Variants in ASIC2 observed in about 807,000 individuals in gnomAD.
ASIC2 encodes the protein acid sensing ion channel subunit 2, also known as acid-sensing ion channel 2.
A neutral mutation model predicts 57.3 loss-of-function variants in ASIC2; 25 were observed. That is an observed-to-expected ratio of 0.44 (90% CI 0.32 to 0.61). The LOEUF (loss-of-function observed/expected upper bound fraction) is 0.61, where lower values mean the gene tolerates loss of function less well. ASIC2 is among the 20% of genes least tolerant of loss of function. The pLI, the probability that ASIC2 is intolerant of heterozygous loss-of-function variation, is 0.06. For synonymous variants in ASIC2, 319 were observed against 307.5 expected, an observed-to-expected ratio of 1.04 and a Z score of -0.39; for missense variants, 641 against 738.1, an observed-to-expected ratio of 0.87 and a Z score of 1.52.
chr17:33,919,363 T>C (rs1567756111), intron 1 of ASIC2, among the ~76,000 whole-genome samples: 1 of 152,170 alleles, frequency 6.6e-6, no homozygotes, highest in Non-Finnish European at 1.5e-5. Flanking sequence ...AATAAAGCCA[T>C]GCATCTACAA....
At chr17:33,112,135 C>A in intron 1 of ASIC2, 68 bp from the exon 2 acceptor site, 1 of 1,493,700 alleles carries the variant, frequency 6.7e-7, no homozygotes, top group Non-Finnish European at 9.0e-7. Context: ...CAGAGATTGG[C>A]GAGACCCCAG....
At chr17:34,133,095 G>A (rs563233675) in intron 1 of ASIC2, among the ~76,000 whole-genome samples, 28 of 152,192 alleles carry the variant, frequency 1.8e-4, no homozygotes, top group Non-Finnish European at 3.5e-4. Context: ...GCCAGACTCA[G>A]TGTTGGGCAT....
intron 1 of ASIC2, among the ~76,000 whole-genome samples, chr17:33,393,759 C>A (rs928718710): frequency 6.6e-6 from 1 of 152,096 alleles, no homozygotes; most frequent in Non-Finnish European, 1.5e-5. Flanking sequence ...ATGGAGTAGA[C>A]CCACAATGCC....
intron 1 of ASIC2, among the ~76,000 whole-genome samples, chr17:33,905,458 C>T (rs557605444): frequency 1.5e-4 from 23 of 152,300 alleles, no homozygotes; most frequent in Non-Finnish European, 2.5e-4. Context: ...TAATGTCTTC[C>T]CTTGCATCAT....
At chr17:33,256,028 C>G (rs1407906569) in intron 1 of ASIC2, among the ~76,000 whole-genome samples, 2 of 152,124 alleles carry the variant, frequency 1.3e-5, no homozygotes, top group Non-Finnish European at 2.9e-5. Context: ...AAACGCATTA[C>G]AGATTCATAC....
chr17:33,731,987 A>G (rs1359237686), intron 1 of ASIC2, among the ~76,000 whole-genome samples: 1 of 152,238 alleles, frequency 6.6e-6, no homozygotes, highest in Non-Finnish European at 1.5e-5. Flanking sequence ...AAAAATGATG[A>G]TTCATAAAAT....
intron 1 of ASIC2, among the ~76,000 whole-genome samples, chr17:33,411,823 G>A (rs1323293405): frequency 6.6e-6 from 1 of 152,164 alleles, no homozygotes; most frequent in African/African-American, 2.4e-5. Context: ...TGTGAAATTG[G>A]ATAATCACGT....
At chr17:33,262,425 A>G (rs1481232349) in intron 1 of ASIC2, among the ~76,000 whole-genome samples, 1 of 143,290 alleles carries the variant, frequency 7.0e-6, no homozygotes, top group Non-Finnish European at 1.5e-5. Context: ...AGGGAAGGAG[A>G]GGAGGAAGGG....
chr17:33,583,800 C>G (rs1167642375), intron 1 of ASIC2, among the ~76,000 whole-genome samples: 2 of 152,174 alleles, frequency 1.3e-5, no homozygotes, highest in Non-Finnish European at 2.9e-5. Context: ...TGATGCTCAG[C>G]TGCCACGGTT....
intron 1 of ASIC2, among the ~76,000 whole-genome samples, chr17:33,378,295 A>G (rs1343382808): frequency 6.6e-6 from 1 of 152,236 alleles, no homozygotes; most frequent in Non-Finnish European, 1.5e-5. Flanking sequence ...TGTGGCCACC[A>G]GCTTTGCTTG....
At chr17:34,076,336 G>C (rs182543801) in intron 1 of ASIC2, among the ~76,000 whole-genome samples, 133 of 152,134 alleles carry the variant, frequency 8.7e-4, no homozygotes, top group Non-Finnish European at 1.8e-3. Context: ...CATACTGCTG[G>C]CTCCATGAGG....
intron 1 of ASIC2, among the ~76,000 whole-genome samples, chr17:33,928,342 G>A (rs1915865661): frequency 6.6e-6 from 1 of 152,186 alleles, no homozygotes; most frequent in Non-Finnish European, 1.5e-5. Context: ...AGCGTGGGGG[G>A]CAGGGGCACT....
chr17:33,509,251 T>C (rs753376171), intron 1 of ASIC2, among the ~76,000 whole-genome samples: 18 of 152,160 alleles, frequency 1.2e-4, no homozygotes, highest in Non-Finnish European at 2.1e-4. Context: ...CTTTAGCATG[T>C]AGGTAATGGG....
chr17:34,015,614 A>C (rs1190850792), intron 1 of ASIC2, among the ~76,000 whole-genome samples: 1 of 152,220 alleles, frequency 6.6e-6, no homozygotes, highest in African/African-American at 2.4e-5. Context: ...CCTCATCTTC[A>C]TCATTTCAAA....
At chr17:33,820,942 C>A (rs1166144444) in intron 1 of ASIC2, among the ~76,000 whole-genome samples, 3 of 152,172 alleles carry the variant, frequency 2.0e-5, no homozygotes, top group Non-Finnish European at 4.4e-5. Flanking sequence ...TGATGTAGAC[C>A]ACCCAGCCAG....
At chr17:33,164,197 C>T (rs1053656536) in intron 1 of ASIC2, among the ~76,000 whole-genome samples, 5 of 152,182 alleles carry the variant, frequency 3.3e-5, no homozygotes, top group East Asian at 1.9e-4. Flanking sequence ...CCCAAGGGTG[C>T]GTCTGGTCAA....
intron 1 of ASIC2, among the ~76,000 whole-genome samples, chr17:33,807,641 C>T (rs1912305828): frequency 1.3e-5 from 2 of 152,086 alleles, no homozygotes; most frequent in African/African-American, 4.8e-5. Flanking sequence ...ACTAGGTTCC[C>T]CACTTCTAAT....
intron 3 of ASIC2, among the ~76,000 whole-genome samples, chr17:33,029,656 G>C (rs1025778274): frequency 6.6e-6 from 1 of 152,218 alleles, no homozygotes; most frequent in African/African-American, 2.4e-5. Context: ...GCTAGCAGTG[G>C]AACAGCTGGT....
chr17:33,266,370 G>A, intron 1 of ASIC2, among the ~76,000 whole-genome samples: 1 of 152,214 alleles, frequency 6.6e-6, no homozygotes, highest in Non-Finnish European at 1.5e-5. Flanking sequence ...CCTGATGAAA[G>A]AATGAAAATG....
Sources: gnomAD v4.1 joint callset for allele counts (sites outside exome capture counted in the v4.1 genomes callset) on GRCh38, gnomAD v4.1.1 for gene constraint, MANE v1.5 for transcripts, NCBI Gene and HGNC (gene_info 2026-07-23, HGNC 2026-07-21) for gene names.